The following COL6A1 variants were observed in gnomAD, a reference collection of about 807,000 sequenced individuals.
The protein encoded by COL6A1 is collagen type VI alpha 1 chain.
COL6A1 carries 80 observed loss-of-function variants against 145.6 expected under a neutral mutation model. The ratio of observed to expected loss-of-function variants is 0.55; its 90% CI spans 0.46 to 0.66. The LOEUF is 0.66. Among genes scored for constraint, COL6A1 ranks in the 30% least tolerant of loss-of-function variants. The probability of loss-of-function intolerance (pLI) is 0.00; values close to 1 mark genes in which losing one functional copy is unlikely to be tolerated. For synonymous variants in COL6A1, 638 were observed against 622.8 expected (o/e 1.02, Z -0.36); for missense variants, 1,364 against 1,473.8 (o/e 0.93, Z 1.22).
At position 45,999,778 on chromosome 21, in the gene COL6A1, G is replaced by A. The variant is rs949191327; in HGVS notation, c.1776+86G>A. ...GTGGGTCCTGTCCATGGGTGCTCCT[G>A]TAGACGCTGCTCACGGGGGGGTGGG... On this transcript the variant is annotated intron_variant, in intron 27 of 34. Transcript: ENST00000361866. The A allele has an allele frequency of 1.6e-4, 174 of 1,061,678 alleles. 1 individual carries two copies. Among genetic ancestry groups the A allele is most frequent in the Non-Finnish European group, 3.5e-5 (26 of 738,712 alleles). 65.8% of individuals were successfully genotyped at this position (1,061,678 alleles called of 1,614,324 possible).
intron 20 of COL6A1, among the ~76,000 whole-genome samples, chr21:45,995,782 C>T (rs1569518564): frequency 6.6e-6 from 1 of 152,188 alleles, no homozygotes; most frequent in Non-Finnish European, 1.5e-5. Flanking sequence ...GACCAGGGCA[C>T]CATGTGACCC....
intron 24 of COL6A1, 139 bp downstream of exon 24, chr21:45,998,572 T>C (rs926652171): frequency 5.9e-6 from 7 of 1,196,358 alleles, no homozygotes; most frequent in African/African-American, 4.5e-5. Flanking sequence ...GCTGCCCCAC[T>C]GTCTGTGGCC....
rs769881364 is a variant in COL6A1 at position 46,003,890 on chromosome 21, C to T, written c.2964C>T (p.Thr988=). 1.6e-5 allele frequency: 25 copies of T among 1,601,254 alleles called. No homozygotes were observed. Among genetic ancestry groups the T allele is most frequent in the Admixed American group, 3.4e-5 (2 of 59,630 alleles). ...VNEPHIRVLV[T]GKTAEYDVAY... ...AGCCCCACATCCGCGTCCTGGTCACCGGCAAGACGGCCGAGTACGACGTGG... is the reference window on the plus strand; with the variant it reads ...AGCCCCACATCCGCGTCCTGGTCACTGGCAAGACGGCCGAGTACGACGTGG... The change falls in exon 35 of 35, where the codon ACC becomes ACT. Residue 988 remains threonine, a synonymous_variant. Transcript: ENST00000361866.
chr21:45,998,152 A>AGGGCTTCCC lies in COL6A1; in HGVS notation c.1557_1565dup (p.Phe524_Gly526dup), dbSNP rs1195243352. 1 of 1,612,366 alleles carries AGGGCTTCCC rather than the reference A, an allele frequency of 6.2e-7. No individual in the cohort carries two copies. The highest frequency in any genetic ancestry group is 8.5e-7 in the Non-Finnish European group (1 of 1,179,808). On this transcript the variant is annotated inframe_insertion, in exon 23 of 35. Coordinates refer to ENST00000361866, the MANE Select transcript of COL6A1 (RefSeq NM_001848.3). ...GACGGCCCCGCTGGAAATGGCACCGAGGGCTTCCCCGGCTTCCCCGTAAGT... is the reference window on the plus strand; with the variant it reads ...GACGGCCCCGCTGGAAATGGCACCGAGGGCTTCCCGGGCTTCCCCGGCTTCCCCGTAAGT...
intron 27 of COL6A1, among the ~76,000 whole-genome samples, chr21:45,999,894 A>ACCCGT (rs2077829372): frequency 7.5e-5 from 1 of 13,306 alleles, no homozygotes; most frequent in African/African-American, 2.7e-4. Flanking sequence ...TGAGGACCAT[A>ACCCGT]GAGGGGACAT....
intron 17 of COL6A1, 42 bp from the exon 18 acceptor site, chr21:45,992,321 G>A: frequency 1.2e-6 from 2 of 1,613,790 alleles, no homozygotes; most frequent in South Asian, 1.1e-5. Context: ...AATGCAGTGT[G>A]TCCACCAGAC....
rs770099663 is a variant in COL6A1, at chr21:45,998,956, C to G, written c.1671C>G (p.Asp557Glu). ...GDEGEAGDPG[D>E]DNNDIAPRGV... is the part of the protein sequence containing the mutation. Reference sequence around the variant, plus strand: ...AGGGAGAAGCCGGGGACCCCGGAGACGATGTAAGTGTGGATGGGAGGCAGG... The same window carrying G: ...AGGGAGAAGCCGGGGACCCCGGAGAGGATGTAAGTGTGGATGGGAGGCAGG... Residue 557 changes from aspartate to glutamate, a missense_variant, in exon 25 of 35, where the codon GAC becomes GAG. Transcript: ENST00000361866. 1.3e-5 allele frequency: 20 copies of G among 1,553,290 alleles called. No individual in the cohort carries two copies. Among genetic ancestry groups the G allele is most frequent in the Non-Finnish European group, 1.7e-5 (19 of 1,148,036 alleles).
Position 46,002,728 on chromosome 21 carries a change from C to T in COL6A1, c.2434+18C>T, listed in dbSNP as rs376294266. 3.3e-5 allele frequency: 51 copies of T among 1,561,656 alleles called. No homozygotes were observed. The highest frequency in any genetic ancestry group is 2.1e-4 in the South Asian group (18 of 85,252). ...CTGCATAGGTGCGCATGGGGCCACC[C>T]GGGCAGTCCCAGATCTGCGTAGGTG... On this transcript the variant is annotated intron_variant, in intron 33 of 34. Coordinates refer to ENST00000361866, the MANE Select transcript of COL6A1 (RefSeq NM_001848.3).
Position 45,999,231 on chromosome 21 carries a change from G to T in COL6A1, c.1740+13G>T, listed in dbSNP as rs758377899. ...CGAGGGCCCCCAGGTGGGTGGATGT[G>T]GCTGGGTGAGGCCACGGTGGGCTGT... is the stretch of plus-strand genomic sequence containing the variant. On this transcript the variant is annotated intron_variant, in intron 26 of 34. Transcript: ENST00000361866. 4.1e-5 allele frequency: 65 copies of T among 1,584,262 alleles called. No individual in the cohort carries two copies. Among genetic ancestry groups the T allele is most frequent in the Admixed American group, 3.6e-5 (2 of 55,318 alleles).
chr21:45,996,364 C>T (rs1417656770), intron 20 of COL6A1, among the ~76,000 whole-genome samples: 2 of 152,216 alleles, frequency 1.3e-5, no homozygotes, highest in African/African-American at 2.4e-5. Context: ...GCGTTGACCA[C>T]GAAGGGTGCA....
In COL6A1 at chr21:45,998,237, A is replaced by G. The variant is rs1305646340; in HGVS notation, c.1575+66A>G. 6 of 1,591,820 alleles carry G rather than the reference A, an allele frequency of 3.8e-6. No homozygotes were observed. The African/African-American group carries it at 6.7e-5, about 18-fold the overall frequency. ...CTGCCTGCGGCGCCCTCTTTAGTGG[A>G]CTGGGCACTCTTGGGTGGGCGGGCT... On this transcript the variant is annotated intron_variant, in intron 23 of 34. Coordinates refer to ENST00000361866, the MANE Select transcript of COL6A1 (RefSeq NM_001848.3).
chr21:45,987,324 G>A lies in COL6A1; in HGVS notation c.738+149G>A, dbSNP rs1433752569. On this transcript the variant is annotated intron_variant, in intron 6 of 34. Transcript: ENST00000361866. ...GCGTGTCTGCCCGTGTGCCCGGGAT[G>A]TGTGTCCCCCTGCGTGTCCACCTGT... 35 of 1,483,144 alleles carry A rather than the reference G, an allele frequency of 2.4e-5. No individual in the cohort carries two copies. In the East Asian group the frequency reaches 4.5e-4, roughly 19 times the overall value. The allele number at this position is 1,483,144 out of a possible 1,614,324, so 91.9% of individuals were successfully genotyped here. A position where few individuals can be genotyped will look rare whatever the true frequency, so the allele number is the denominator to read the frequency against.
Position 45,994,164 on chromosome 21 carries a change from C to T in COL6A1, c.1336-3C>T. The stretch of plus-strand genomic sequence containing the variant: ...TCCACACTCACGGCTCGTTTCTCTT[C>T]AGGGTGAAGCTGGCCCGCAGGGTGA... On this transcript the variant is annotated splice_polypyrimidine_tract_variant and splice_region_variant and intron_variant, in intron 19 of 34. Transcript: ENST00000361866. The surrounding 1 kb of genome is among the most constrained non-coding windows in gnomAD (Gnocchi z 6.8). 1 of 1,598,620 alleles carries T rather than the reference C, an allele frequency of 6.3e-7. No homozygotes were observed. Among genetic ancestry groups the T allele is most frequent in the African/African-American group, 1.3e-5 (1 of 74,878 alleles).
rs530880485 is a variant in COL6A1, at chr21:45,996,576, G to A, written c.1399-845G>A. 3.9e-5 allele frequency among the ~76,000 whole-genome samples: 6 copies of A among 152,068 alleles called. No homozygotes were observed. The South Asian group carries it at 8.3e-4, about 21-fold the overall frequency. Reference sequence around the variant, plus strand: ...GCCTAACCACAGGCCAGGGACAGGCGTCTGAGCAGGCACAGGCCAGGGACA... The same window carrying A: ...GCCTAACCACAGGCCAGGGACAGGCATCTGAGCAGGCACAGGCCAGGGACA... On this transcript the variant is annotated intron_variant, in intron 20 of 34. Transcript: ENST00000361866.
At chr21:45,982,315 G>T (rs922091519) in intron 1 of COL6A1, among the ~76,000 whole-genome samples, 1 of 134,090 alleles carries the variant, frequency 7.5e-6, no homozygotes, top group African/African-American at 2.8e-5. Context: ...GAAGTCGTGC[G>T]CTGCTGGTTC....
chr21:46,001,761 C>T (rs112947087), intron 30 of COL6A1, among the ~76,000 whole-genome samples, 200 bp from the exon 31 acceptor site: 179 of 151,546 alleles, frequency 1.2e-3, no homozygotes, highest in African/African-American at 4.0e-3. Context: ...TCTGGGCACC[C>T]GGAGCCAATC....
chr21:45,990,769 C>T lies in COL6A1; in HGVS notation c.1003-4C>T, dbSNP rs200715767. 3 of 1,613,332 alleles carry T rather than the reference C, an allele frequency of 1.9e-6. No homozygotes were observed. Among genetic ancestry groups the T allele is most frequent in the South Asian group, 2.2e-5 (2 of 91,060 alleles). ...AGATTTTCTAGTTTTCTTCCTCTTT[C>T]CAGGGGGAGATGGGGTACCCAGGCC... On this transcript the variant is annotated splice_polypyrimidine_tract_variant and splice_region_variant and intron_variant, in intron 13 of 34. Coordinates refer to ENST00000361866, the MANE Select transcript of COL6A1 (RefSeq NM_001848.3).
intron 33 of COL6A1, 68 bp downstream of exon 33, chr21:46,002,778 CAGAT>C: frequency 1.3e-6 from 2 of 1,489,314 alleles, no homozygotes; most frequent in Non-Finnish European, 1.8e-6. Context: ...CGGGCAGTCC[CAGAT>C]CTGCGTAGGT....
At position 45,994,059 on chromosome 21, in the gene COL6A1, AACAGCCCAGTGACCACCTGG is replaced by A; in HGVS notation, c.1336-102_1336-83del. ...GGGCTGTGCGGGGAGGGAAGGCCGG[AACAGCCCAGTGACCACCTGG>A]ACAGCATGCTGTGGCTCCCAGCGTG... is the stretch of plus-strand genomic sequence containing the variant. On this transcript the variant is annotated intron_variant, in intron 19 of 34. Transcript: ENST00000361866. This position sits in a 1 kb window ranked among gnomAD's most constrained non-coding sequence, Gnocchi z 6.8. 1.7e-6 allele frequency: 2 copies of A among 1,161,464 alleles called. No individual in the cohort carries two copies. The highest frequency in any genetic ancestry group is 5.1e-5 in the East Asian group (2 of 39,076). The allele number at this position is 1,161,464 out of a possible 1,614,324, so 71.9% of individuals were successfully genotyped here.
Sources: gnomAD v4.1 joint callset for allele counts (sites outside exome capture counted in the v4.1 genomes callset) on GRCh38, gnomAD v4.1.1 for gene constraint, Gnocchi (gnomAD v3.1) non-coding constraint, MANE v1.5 for transcripts, NCBI Gene and HGNC (gene_info 2026-07-23, HGNC 2026-07-21) for gene names.